The following TMX1 variants were observed in gnomAD, a reference collection of about 807,000 sequenced individuals.
TMX1 encodes thioredoxin related transmembrane protein 1.
In TMX1, 25 loss-of-function variants were observed where a neutral mutation model predicts 36.6. The observed-to-expected ratio is 0.68, with a 90% confidence interval of 0.50 to 0.95. The LOEUF (loss-of-function observed/expected upper bound fraction) is 0.95. Ranked by LOEUF, TMX1 falls within the 40% of genes least tolerant of loss-of-function variation. The pLI is 0.00. For missense variants in TMX1, 347 were observed against 339.6 expected, an observed-to-expected ratio of 1.02 and a Z score of -0.17; for synonymous variants, 133 against 118.0, an observed-to-expected ratio of 1.13 and a Z score of -0.82.
chr14:51,250,739 C>T (rs1451169022), intron 7 of TMX1, among the ~76,000 whole-genome samples: 2 of 152,186 alleles, frequency 1.3e-5, no homozygotes, highest in Admixed American at 6.5e-5. Context: ...GATCCGCCAG[C>T]CTCGGCCTCC....
chr14:51,241,944 A>G (rs193132263), intron 1 of TMX1, among the ~76,000 whole-genome samples: 1 of 152,332 alleles, frequency 6.6e-6, no homozygotes, highest in Admixed American at 6.5e-5. Context: ...CCTGGCTAAC[A>G]CGGTGAAACG....
Position 51,250,621 on chromosome 14 carries a change from A to G in TMX1, c.664+856A>G, listed in dbSNP as rs748377586. Among the ~76,000 whole-genome samples, 34 of 152,150 alleles carry G rather than the reference A, an allele frequency of 2.2e-4. 1 individual carries two copies. Among genetic ancestry groups the G allele is most frequent in the Admixed American group, 9.8e-4 (15 of 15,284 alleles). On this transcript the variant is annotated intron_variant, in intron 7 of 7. Coordinates refer to ENST00000457354, the MANE Select transcript of TMX1 (RefSeq NM_030755.5). ...ATTCTCCTGCCTTGCCCTGCCGAGT[A>G]GCTGGGACTACAGGTGCCCACCACC...
rs2065836379 is a variant in TMX1 at position 51,255,932 on chromosome 14, C to T, written c.*1413C>T. 1.3e-5 allele frequency: 2 copies of T among 152,406 alleles called. No individual in the cohort carries two copies. Among genetic ancestry groups the T allele is most frequent in the Non-Finnish European group, 2.9e-5 (2 of 67,940 alleles). 9.4% of individuals were successfully genotyped at this position (152,406 alleles called of 1,614,324 possible). A position where few individuals can be genotyped will look rare whatever the true frequency, so the allele number is the denominator to read the frequency against. ...TAATATACAAGTTTTCTTTAAAGCC[C>T]TCTCCTTTAGAATTTAAAATATTGT... is the stretch of plus-strand genomic sequence containing the variant. On this transcript the variant is annotated 3_prime_UTR_variant, in exon 8 of 8. Coordinates refer to ENST00000457354, the MANE Select transcript of TMX1 (RefSeq NM_030755.5).
chr14:51,242,055 G>C (rs2065764300), intron 1 of TMX1, among the ~76,000 whole-genome samples: 1 of 152,174 alleles, frequency 6.6e-6, no homozygotes, highest in African/African-American at 2.4e-5. Context: ...CTTGAATCTG[G>C]GAGTCAGAGG....
At chr14:51,246,454 C>G (rs1366461083) in intron 3 of TMX1, among the ~76,000 whole-genome samples, 2 of 152,118 alleles carry the variant, frequency 1.3e-5, no homozygotes, top group Non-Finnish European at 2.9e-5. Flanking sequence ...TAACAGGTCC[C>G]TAGTAGGGAG....
At chr14:51,240,855 G>A (rs1486126316) in intron 1 of TMX1, among the ~76,000 whole-genome samples, 1 of 152,030 alleles carries the variant, frequency 6.6e-6, no homozygotes, top group Admixed American at 6.5e-5. Context: ...AGAGAATATT[G>A]AGCAAAATTT....
intron 7 of TMX1, among the ~76,000 whole-genome samples, chr14:51,253,432 C>T (rs2065823960): frequency 2.0e-5 from 3 of 152,204 alleles, no homozygotes; most frequent in African/African-American, 4.8e-5. Context: ...GCAGACTAAA[C>T]AACAGATGGT....
At chr14:51,250,166 G>A (rs1234520814) in intron 7 of TMX1, among the ~76,000 whole-genome samples, 3 of 152,098 alleles carry the variant, frequency 2.0e-5, no homozygotes, top group Non-Finnish European at 2.9e-5. Context: ...TAGGATATTG[G>A]GAAAAGCAAT....
chr14:51,244,045 A>T (rs867110885), intron 2 of TMX1, 74 bp downstream of exon 2: 2 of 1,214,322 alleles, frequency 1.6e-6, no homozygotes, highest in Middle Eastern at 3.9e-4. Flanking sequence ...TCTACATTGC[A>T]TAGTCTTAAT....
chr14:51,245,433 G>A (rs2065781201), intron 3 of TMX1, 75 bp downstream of exon 3: 1 of 1,589,908 alleles, frequency 6.3e-7, no homozygotes, highest in Non-Finnish European at 8.6e-7. Flanking sequence ...CCTCTGGCTT[G>A]GATCATGCTG....
intron 7 of TMX1, among the ~76,000 whole-genome samples, chr14:51,250,193 G>A (rs1310144091): frequency 6.6e-6 from 1 of 152,152 alleles, no homozygotes; most frequent in African/African-American, 2.4e-5. Flanking sequence ...AGTTGATTTA[G>A]GATGCCACTG....
chr14:51,240,437 A>G lies in TMX1; in HGVS notation c.145A>G (p.Ile49Val). The change falls in exon 1 of 8, where the codon ATA (isoleucine) becomes GTA (valine). Residue 49 changes from isoleucine to valine, a missense_variant. Coordinates refer to ENST00000457354, the MANE Select transcript of TMX1 (RefSeq NM_030755.5). ...WRELLEGDWM[I>V]EFYAPWCPAC... ...AGAACTGCTGGAAGGAGACTGGATG[A>G]TAGAATTGTGAGTGCGGGGCGGCCA... The G allele has an allele frequency of 3.7e-6, 6 of 1,613,658 alleles. No homozygotes were observed. The highest frequency in any genetic ancestry group is 5.1e-6 in the Non-Finnish European group (6 of 1,179,834).
intron 7 of TMX1, among the ~76,000 whole-genome samples, chr14:51,253,208 A>G (rs910690057): frequency 2.0e-5 from 3 of 152,210 alleles, no homozygotes; most frequent in African/African-American, 7.2e-5. Context: ...CCTTTTATAC[A>G]CTGTTGAATA....
At chr14:51,245,089 A>C (rs371351746) in intron 2 of TMX1, among the ~76,000 whole-genome samples, 20 of 152,062 alleles carry the variant, frequency 1.3e-4, no homozygotes, top group African/African-American at 4.6e-4. Context: ...TGTATTCAGT[A>C]CTCTAGTTCT....
intron 4 of TMX1, among the ~76,000 whole-genome samples, chr14:51,248,189 T>A (rs1416720454): frequency 6.6e-6 from 1 of 152,208 alleles, no homozygotes; most frequent in Non-Finnish European, 1.5e-5. Context: ...AAGCATGCTT[T>A]CTGCTTTGCT....
rs375576431 is a variant in TMX1 at position 51,254,348 on chromosome 14, A to G, written c.672A>G (p.Leu224=). ...PQPYPYPSKK[L]LSESAQPLKK... is the part of the protein sequence containing the mutation. ...TTGGTCTTTGTCTTTAAGAAAAATT[A>G]TTATCAGAATCTGCACAACCTTTGA... Residue 224 remains leucine (L), a synonymous_variant, in exon 8 of 8, where the codon TTA becomes TTG. Transcript: ENST00000457354. 288 of 1,582,794 alleles carry G rather than the reference A, an allele frequency of 1.8e-4. 1 individual carries two copies. The highest frequency in any genetic ancestry group is 8.6e-4 in the South Asian group (73 of 85,080).
intron 1 of TMX1, among the ~76,000 whole-genome samples, chr14:51,243,578 C>G (rs748702105): frequency 8.5e-5 from 13 of 152,146 alleles, no homozygotes; most frequent in Non-Finnish European, 1.0e-4. Context: ...TAGAGAAATG[C>G]AAAAGTTTTC....
In TMX1 at chr14:51,255,363, A is replaced by C. The variant is rs1411417725; in HGVS notation, c.*844A>C. The C allele has an allele frequency of 6.7e-6, 1 of 149,250 alleles. No individual in the cohort carries two copies. Among genetic ancestry groups the C allele is most frequent in the African/African-American group, 2.5e-5 (1 of 40,724 alleles). The allele number at this position is 149,250 out of a possible 1,614,324, so 9.2% of individuals were successfully genotyped here. A position where few individuals can be genotyped will look rare whatever the true frequency, so the allele number is the denominator to read the frequency against. ...TTTGGCCACTTTTTTCAGATTTTACATCATTCTTGCTGAACTTCAACTTGA... is the reference window on the plus strand; with the variant it reads ...TTTGGCCACTTTTTTCAGATTTTACCTCATTCTTGCTGAACTTCAACTTGA... On this transcript the variant is annotated 3_prime_UTR_variant, in exon 8 of 8. Transcript: ENST00000457354.
intron 3 of TMX1, 105 bp downstream of exon 3, chr14:51,245,463 AT>A (rs759654828): frequency 3.2e-6 from 5 of 1,559,180 alleles, no homozygotes; most frequent in Non-Finnish European, 4.3e-6. Context: ...AGGTAATCTC[AT>A]TATATTCAGC....
Sources: allele counts gnomAD v4.1 joint callset (sites outside exome capture counted in the v4.1 genomes callset), GRCh38; gene constraint gnomAD v4.1.1; transcripts MANE v1.5; gene names NCBI Gene and HGNC (gene_info 2026-07-23, HGNC 2026-07-21).